Variants in ECEL1 observed in about 807,000 individuals in gnomAD.
The protein encoded by ECEL1 is endothelin converting enzyme like 1.
In ECEL1, 87 loss-of-function variants were observed where a neutral mutation model predicts 101.8. The observed-to-expected ratio is 0.85, with a 90% CI of 0.72 to 1.02. The LOEUF is 1.02. Ranked by LOEUF, ECEL1 falls within the 50% of genes least tolerant of loss-of-function variation. The pLI is 0.00. For synonymous variants in ECEL1, 487 were observed against 468.7 expected (o/e 1.04, Z -0.50); for missense variants, 1,032 against 1,079.2 (o/e 0.96, Z 0.61).
Position 232,484,020 on chromosome 2 carries a change from G to A in ECEL1, c.1388C>T (p.Ser463Leu). Reference protein sequence around the residue: ...LGALFVHEHFSAASKAKVQQL... With the variant: ...LGALFVHEHFLAASKAKVQQL... ...ACCCACCTTGGCTTTGCTGGCAGCTGAGAAGTGCTCATGTACAAAGAGGGC... is the reference window on the plus strand; with the variant it reads ...ACCCACCTTGGCTTTGCTGGCAGCTAAGAAGTGCTCATGTACAAAGAGGGC... The change falls in exon 7 of 18, where the codon TCA (serine) becomes TTA (leucine). Residue 463 changes from serine to leucine, a missense_variant. By Grantham distance (145) the Ser-to-Leu change is moderately radical (BLOSUM62 -2). Transcript: ENST00000304546. The A allele has an allele frequency of 6.2e-7, 1 of 1,606,636 alleles. No homozygotes were observed. The highest frequency in any genetic ancestry group is 1.1e-5 in the South Asian group (1 of 90,684).
rs1376420692 is a variant in ECEL1 at position 232,486,013 on chromosome 2, C to T, written c.641G>A (p.Gly214Asp). The change falls in exon 2 of 18, where the codon GGC becomes GAC. Residue 214 changes from glycine to aspartate, a missense_variant. By Grantham distance (94) the Gly-to-Asp change is moderately conservative. Coordinates refer to ENST00000304546, the MANE Select transcript of ECEL1 (RefSeq NM_004826.4). Reference protein sequence around the residue: ...VIEDCGGWDLGGAEERPGVAA... With the variant: ...VIEDCGGWDLDGAEERPGVAA... The stretch of plus-strand genomic sequence containing the variant: ...GACCCCCGGACGCTCCTCCGCGCCG[C>T]CCAGGTCCCAGCCCCCGCAGTCCTC... The T allele has an allele frequency of 1.9e-6, 3 of 1,608,432 alleles. No individual in the cohort carries two copies. The Admixed American group carries it at 5.0e-5, about 27-fold the overall frequency.
Position 232,485,284 on chromosome 2 carries a change from G to A in ECEL1, c.787-17C>T, listed in dbSNP as rs781523713. The A allele has an allele frequency of 1.2e-6, 2 of 1,612,458 alleles. No homozygotes were observed. The highest frequency in any genetic ancestry group is 2.7e-5 in the African/African-American group (2 of 74,882). On this transcript the variant is annotated splice_polypyrimidine_tract_variant and intron_variant, in intron 2 of 17. Coordinates refer to ENST00000304546, the MANE Select transcript of ECEL1 (RefSeq NM_004826.4). ...CTGGTCAATCTGGGGAGGGAGACAG[G>A]GGCCACAGGTCAGAGGCCCACACCT...
chr2:232,480,312 C>T (rs937734530), intron 17 of ECEL1, 60 bp from the exon 18 acceptor site: 16 of 1,612,306 alleles, frequency 9.9e-6, no homozygotes, highest in Non-Finnish European at 1.4e-5. Flanking sequence ...CCCCAGCAAC[C>T]AGGGGTGACT....
intron 7 of ECEL1, 65 bp downstream of exon 7, chr2:232,483,936 T>C: frequency 6.6e-7 from 1 of 1,516,550 alleles, no homozygotes; most frequent in Non-Finnish European, 8.9e-7. Context: ...ATTAGGACCA[T>C]GGCCTCGGGA....
chr2:232,487,652 T>TGGC (rs1212112587), intron 1 of ECEL1, 67 bp downstream of exon 1: 4 of 151,688 alleles, frequency 2.6e-5, no homozygotes, highest in Admixed American at 6.6e-5. Flanking sequence ...CTCCGCGCAG[T>TGGC]GGCGGCGGCG....
In ECEL1 at chr2:232,482,588, G is replaced by C. The variant is rs137943112; in HGVS notation, c.1706C>G (p.Ala569Gly). ...GTTGGGTAGATAGTAGGCATTGAGC[G>C]CCTGTGGGGGGAGCAGCCACCTGTG... ...DKSTWLLPPQALNAYYLPNKN... is the reference protein window; with the variant it reads ...DKSTWLLPPQGLNAYYLPNKN... The change falls in exon 11 of 18, where the codon GCG becomes GGG. Residue 569 changes from alanine (A) to glycine (G), a missense_variant. By Grantham distance (60) the Ala-to-Gly change is moderately conservative. Coordinates refer to ENST00000304546, the MANE Select transcript of ECEL1 (RefSeq NM_004826.4). 1 of 1,612,932 alleles carries C rather than the reference G, an allele frequency of 6.2e-7. No homozygotes were observed. The highest frequency in any genetic ancestry group is 8.5e-7 in the Non-Finnish European group (1 of 1,179,532).
intron 15 of ECEL1, 63 bp from the exon 16 acceptor site, chr2:232,480,876 T>C: frequency 6.6e-7 from 1 of 1,504,900 alleles, no homozygotes; most frequent in Non-Finnish European, 9.1e-7. Context: ...TTCTTCTCTG[T>C]CCTCCATCTA....
chr2:232,482,290 G>A (rs987590264), intron 12 of ECEL1, 128 bp downstream of exon 12: 6 of 1,266,210 alleles, frequency 4.7e-6, no homozygotes, highest in Non-Finnish European at 6.9e-6. Context: ...GTCCACAGCT[G>A]TCCTGACTCC....
chr2:232,486,410 G>A lies in ECEL1; in HGVS notation c.244C>T (p.Leu82Phe), dbSNP rs2106186995. 1.4e-6 allele frequency: 2 copies of A among 1,468,988 alleles called. No individual in the cohort carries two copies. The highest frequency in any genetic ancestry group is 2.8e-5 in the East Asian group (1 of 35,604). 91.0% of individuals were successfully genotyped at this position (1,468,988 alleles called of 1,614,324 possible). The change falls in exon 2 of 18, where the codon CTC becomes TTC. Residue 82 changes from leucine (L) to phenylalanine (F), a missense_variant. Transcript: ENST00000304546. ...LCAILAAMLA[L>F]KYLGPVAAGG... Reference sequence around the variant, plus strand: ...GCCGCGACCGGGCCCAGGTACTTGAGGGCCAGCATAGCCGCCAGAATGGCG... The same window carrying A: ...GCCGCGACCGGGCCCAGGTACTTGAAGGCCAGCATAGCCGCCAGAATGGCG...
In ECEL1 at chr2:232,482,920, A is replaced by G. The variant is rs781610712; in HGVS notation, c.1616T>C (p.Ile539Thr). The change falls in exon 10 of 18, where the codon ATC (isoleucine) becomes ACC (threonine). Residue 539 changes from isoleucine (I) to threonine (T), a missense_variant. Physicochemically the swap from Ile to Thr is moderately conservative, Grantham distance 89 (BLOSUM62 -1). Coordinates refer to ENST00000304546, the MANE Select transcript of ECEL1 (RefSeq NM_004826.4). The part of the protein sequence containing the change: ...EVHEKTYFKN[I>T]LNSIRFSIQL... ...GATGCTGAAGCGGATGCTGTTCAAG[A>G]TGTTCTTGAAGTAGGTCTTCTCATG... 1 of 1,614,138 alleles carries G rather than the reference A, an allele frequency of 6.2e-7. No individual in the cohort carries two copies. Among genetic ancestry groups the G allele is most frequent in the Non-Finnish European group, 8.5e-7 (1 of 1,180,034 alleles).
In ECEL1 at chr2:232,481,176, C is replaced by G. The variant is rs1350995052; in HGVS notation, c.1990-20G>C. On this transcript the variant is annotated intron_variant, in intron 14 of 17. Transcript: ENST00000304546. ...GTTCACCTGCCGGGAAGGGAAGAGG[C>G]CAGGGGGCTGCTTGGGGCCCAGCTG... The G allele has an allele frequency of 1.9e-6, 3 of 1,556,526 alleles. No homozygotes were observed. Among genetic ancestry groups the G allele is most frequent in the African/African-American group, 1.4e-5 (1 of 73,504 alleles).
Position 232,486,030 on chromosome 2 carries a change from G to T in ECEL1, c.624C>A (p.Cys208Ter), listed in dbSNP as rs1482351190. 4 of 1,608,838 alleles carry T rather than the reference G, an allele frequency of 2.5e-6. No individual in the cohort carries two copies. In the African/African-American group the frequency reaches 5.3e-5, roughly 21 times the overall value. The change falls in exon 2 of 18, where the codon TGC becomes TGA. Residue 208 changes from cysteine to a stop codon, truncating the protein, a stop_gained. Coordinates refer to ENST00000304546, the MANE Select transcript of ECEL1 (RefSeq NM_004826.4). LOFTEE classifies it high-confidence loss of function. ...PRPMLEVIED[C>*]GGWDLGGAEE... ...CCGCGCCGCCCAGGTCCCAGCCCCC[G>T]CAGTCCTCGATGACCTCTAGCATGG... is the stretch of plus-strand genomic sequence containing the variant.
In ECEL1 at chr2:232,481,987, G is replaced by A. The variant is rs537946675; in HGVS notation, c.1797-138C>T. The A allele has an allele frequency of 6.4e-6, 7 of 1,092,462 alleles. No individual in the cohort carries two copies. The African/African-American group carries it at 1.1e-4, about 17-fold the overall frequency. The allele number at this position is 1,092,462 out of a possible 1,614,324, so 67.7% of individuals were successfully genotyped here. On this transcript the variant is annotated intron_variant, in intron 12 of 17. Transcript: ENST00000304546. ...CACAGAGGCATCCGTGCGGTCCAGG[G>A]GCACATGTGCCTCAGCTTCCTCATG...
rs1199819036 is a variant in ECEL1 at position 232,481,130 on chromosome 2, C to G, written c.2016G>C (p.Glu672Asp). 2 of 1,569,164 alleles carry G rather than the reference C, an allele frequency of 1.3e-6. No individual in the cohort carries two copies. The highest frequency in any genetic ancestry group is 8.6e-7 in the Non-Finnish European group (1 of 1,156,938). The change falls in exon 15 of 18, where the codon GAG becomes GAC. Residue 672 changes from glutamate to aspartate, a missense_variant. By Grantham distance (45) the Glu-to-Asp change is conservative. Transcript: ENST00000304546. ...QRVNGKHTLG[E>D]NIADMGGLKL... ...TGAGGCCGCCCATATCTGCGATGTT[C>G]TCCCCAAGCGTGTGTTTCCCGTTCA...
Position 232,481,085 on chromosome 2 carries a change from G to A in ECEL1, c.2055+6C>T, listed in dbSNP as rs1254678763. ...AGCAGGGGTGGAGCACAGGCAGGCC[G>A]CTCACGTGGTAGGCCAGCTTGAGGC... is the stretch of plus-strand genomic sequence containing the variant. On this transcript the variant is annotated splice_donor_region_variant and intron_variant, in intron 15 of 17. Coordinates refer to ENST00000304546, the MANE Select transcript of ECEL1 (RefSeq NM_004826.4). The A allele has an allele frequency of 4.6e-5, 72 of 1,556,856 alleles. No individual in the cohort carries two copies. The East Asian group carries it at 1.4e-3, about 31-fold the overall frequency.
At chr2:232,481,327 C>T (rs1006396349) in intron 14 of ECEL1, among the ~76,000 whole-genome samples, 171 bp from the exon 15 acceptor site, 2 of 152,240 alleles carry the variant, frequency 1.3e-5, no homozygotes, top group African/African-American at 4.8e-5. Flanking sequence ...CCTTGTCCTC[C>T]GTAAGTCTGC....
At chr2:232,485,295 C>A in intron 2 of ECEL1, 28 bp from the exon 3 acceptor site, 2 of 1,609,790 alleles carry the variant, frequency 1.2e-6, no homozygotes, top group Non-Finnish European at 1.7e-6. Flanking sequence ...GGCCACAGGT[C>A]AGAGGCCCAC....
At position 232,482,470 on chromosome 2, in the gene ECEL1, C is replaced by T. The variant is rs147356745; in HGVS notation, c.1745-1G>A. 3 of 1,614,018 alleles carry T rather than the reference C, an allele frequency of 1.9e-6. No homozygotes were observed. Among genetic ancestry groups the T allele is most frequent in the Non-Finnish European group, 2.5e-6 (3 of 1,180,000 alleles). On this transcript the variant is annotated splice_acceptor_variant, in intron 11 of 17. Coordinates refer to ENST00000304546, the MANE Select transcript of ECEL1 (RefSeq NM_004826.4). LOFTEE classifies it high-confidence loss of function. Reference sequence around the variant, plus strand: ...GGCTGCAGGATGCCCGCGGGGAACACTACAAGAAGGGGGTGCTCAGTGGGA... The same window carrying T: ...GGCTGCAGGATGCCCGCGGGGAACATTACAAGAAGGGGGTGCTCAGTGGGA...
At position 232,483,374 on chromosome 2, in the gene ECEL1, A is replaced by T. The variant is rs144766400; in HGVS notation, c.1506+42T>A. 1.5e-4 allele frequency: 229 copies of T among 1,576,822 alleles called. 2 individuals are homozygous for T. In the East Asian group the frequency reaches 4.7e-3, roughly 32 times the overall value. On this transcript the variant is annotated intron_variant, in intron 8 of 17. Transcript: ENST00000304546. ...TTTCGCTGGTACACAGTAGGTGCTC[A>T]ATATATATGGGACCAACCAATGACA...
Sources: gnomAD v4.1 joint callset for allele counts (sites outside exome capture counted in the v4.1 genomes callset) on GRCh38, gnomAD v4.1.1 for gene constraint, MANE v1.5 for transcripts, NCBI Gene and HGNC (gene_info 2026-07-23, HGNC 2026-07-21) for gene names.